HDAC7: variants seen among roughly 807,000 people sequenced by gnomAD.
HDAC7 encodes the protein histone deacetylase 7, also known as histone deacetylase 7A.
In HDAC7, 26 loss-of-function variants were observed where a neutral mutation model predicts 115.5. The ratio of observed to expected loss-of-function variants is 0.23; its 90% CI spans 0.16 to 0.31. HDAC7 has a LOEUF of 0.31. Ranked by LOEUF, HDAC7 falls within the 10% of genes least tolerant of loss-of-function variation. The probability of loss-of-function intolerance (pLI) is 1.00; values close to 1 mark genes in which losing one functional copy is unlikely to be tolerated. For missense variants in HDAC7, 1,068 were observed against 1,329.0 expected, an observed-to-expected ratio of 0.80 and a Z score of 3.05; for synonymous variants, 564 against 550.9, an observed-to-expected ratio of 1.02 and a Z score of -0.33.
chr12:47,790,085 C>T (rs185081426), intron 16 of HDAC7, 165 bp from the exon 17 acceptor site: 3 of 608,960 alleles, frequency 4.9e-6, no homozygotes, highest in Admixed American at 2.8e-5. Context: ...CCTCCTGTGT[C>T]CCCCAATCCC....
chr12:47,816,722 G>A (rs1374515407), intron 1 of HDAC7, among the ~76,000 whole-genome samples: 7 of 150,414 alleles, frequency 4.7e-5, no homozygotes, highest in Non-Finnish European at 8.9e-5. Context: ...CCTTGCCCCA[G>A]GCAGCATGCT....
chr12:47,791,517 C>T lies in HDAC7; in HGVS notation c.1933+69G>A, dbSNP rs1477526456. 1.2e-5 allele frequency: 19 copies of T among 1,538,240 alleles called. No individual in the cohort carries two copies. The East Asian group carries it at 2.4e-4, about 19-fold the overall frequency. Reference sequence around the variant, plus strand: ...AGGAGGCTGGCTGGGCGGGCAGAGCCGAGACAGGAGTGCATGGGAGCTGGG... The same window carrying T: ...AGGAGGCTGGCTGGGCGGGCAGAGCTGAGACAGGAGTGCATGGGAGCTGGG... On this transcript the variant is annotated intron_variant, in intron 15 of 25. Transcript: ENST00000080059.
chr12:47,801,924 T>G (rs1226112128), intron 2 of HDAC7, among the ~76,000 whole-genome samples: 1 of 151,952 alleles, frequency 6.6e-6, no homozygotes, highest in Non-Finnish European at 1.5e-5. Flanking sequence ...GGGGTAGGGG[T>G]CTCAGTATAA....
Position 47,782,855 on chromosome 12 carries a change from TCACA to T in HDAC7, c.*982_*985del, listed in dbSNP as rs1942938075. On this transcript the variant is annotated 3_prime_UTR_variant, in exon 26 of 26. Coordinates refer to ENST00000080059, the MANE Select transcript of HDAC7 (RefSeq NM_015401.5). ...ACACACGCCTCACTCACACACACGC[TCACA>T]CACACGCCTCACTCACACACATGCT... The T allele has an allele frequency of 6.8e-6, 1 of 146,946 alleles. No individual in the cohort carries two copies. Among genetic ancestry groups the T allele is most frequent in the African/African-American group, 2.4e-5 (1 of 40,872 alleles). The allele number at this position is 146,946 out of a possible 1,614,324, so 9.1% of individuals were successfully genotyped here.
chr12:47,816,366 A>G (rs1177011738), intron 1 of HDAC7, among the ~76,000 whole-genome samples: 1 of 152,130 alleles, frequency 6.6e-6, no homozygotes, highest in African/African-American at 2.4e-5. Flanking sequence ...ACATATGGAC[A>G]TGTTTACCCC....
chr12:47,782,907 C>G lies in HDAC7; in HGVS notation c.*934G>C, dbSNP rs549288803. ...GCTCACACACATTTTCCTTCTTGAC[C>G]CCAGGCCTGGACCCCCAAAAGCCTT... On this transcript the variant is annotated 3_prime_UTR_variant, in exon 26 of 26. Coordinates refer to ENST00000080059, the MANE Select transcript of HDAC7 (RefSeq NM_015401.5). 2 of 153,244 alleles carry G rather than the reference C, an allele frequency of 1.3e-5. No individual in the cohort carries two copies. Among genetic ancestry groups the G allele is most frequent in the African/African-American group, 4.8e-5 (2 of 41,544 alleles). The allele number at this position is 153,244 out of a possible 1,614,324, so 9.5% of individuals were successfully genotyped here.
chr12:47,816,340 C>T (rs1450963484), intron 1 of HDAC7, among the ~76,000 whole-genome samples: 13 of 152,006 alleles, frequency 8.6e-5, no homozygotes, highest in Non-Finnish European at 4.4e-5. Flanking sequence ...TATATACCCC[C>T]AAAAAACATG....
chr12:47,790,780 T>G, intron 16 of HDAC7: 4 of 182,618 alleles, frequency 2.2e-5, no homozygotes, highest in South Asian at 1.0e-4. Context: ...GCGAGCGGAG[T>G]TTGGGGCTAT....
In HDAC7 at chr12:47,797,670, G is replaced by A. The variant is rs543020503; in HGVS notation, c.462-171C>T. ...GGTGGCAGCAGTGGGCCGCCTGTCC[G>A]CTCCAGCAGCTATAGTGCAGAGCTC... is the stretch of plus-strand genomic sequence containing the variant. On this transcript the variant is annotated intron_variant, in intron 5 of 25. Coordinates refer to ENST00000080059, the MANE Select transcript of HDAC7 (RefSeq NM_015401.5). This position sits in a 1 kb window ranked among gnomAD's most constrained non-coding sequence, Gnocchi z 5.5. Among the ~76,000 whole-genome samples the A allele has an allele frequency of 2.0e-5, 3 of 152,162 alleles. No individual in the cohort carries two copies. The highest frequency in any genetic ancestry group is 4.4e-5 in the Non-Finnish European group (3 of 68,014).
intron 21 of HDAC7, 85 bp downstream of exon 21, chr12:47,787,627 C>A (rs557601095): frequency 1.0e-5 from 9 of 890,454 alleles, no homozygotes; most frequent in South Asian, 3.3e-5. Flanking sequence ...GGCTGACAAT[C>A]CAACTGATCA....
Position 47,794,841 on chromosome 12 carries a change from C to T in HDAC7, c.1377G>A (p.Val459=), listed in dbSNP as rs770321899. The change falls in exon 12 of 26, where the codon GTG becomes GTA. Residue 459 remains valine, a synonymous_variant. Transcript: ENST00000080059. ...ETDGGGPGQV[V]DDGLEHRELG... ...GCTCCCTGTGCTCCAGGCCATCGTC[C>T]ACCACCTGGCCCGGTCCCCCGCCAT... 1.6e-5 allele frequency: 26 copies of T among 1,613,116 alleles called. No homozygotes were observed. The South Asian group carries it at 1.8e-4, about 11-fold the overall frequency.
chr12:47,800,093 C>G (rs1944089777), intron 2 of HDAC7, among the ~76,000 whole-genome samples: 1 of 152,218 alleles, frequency 6.6e-6, no homozygotes, highest in South Asian at 2.1e-4. Flanking sequence ...CCTCCAGGCC[C>G]AAGCTGGCCA....
At chr12:47,817,324 G>A (rs777968227) in intron 1 of HDAC7, 5 of 152,208 alleles carry the variant, frequency 3.3e-5, no homozygotes, top group Non-Finnish European at 5.9e-5. Flanking sequence ...CATCGAGGAT[G>A]GCCCAGAGCT....
At chr12:47,785,280 A>C in intron 24 of HDAC7, 107 bp downstream of exon 24, 1 of 871,588 alleles carries the variant, frequency 1.1e-6, no homozygotes, top group Non-Finnish European at 1.8e-6. Context: ...GACCAACAGC[A>C]GGTCACCTGG....
intron 1 of HDAC7, among the ~76,000 whole-genome samples, chr12:47,808,041 C>A (rs562971691): frequency 3.3e-5 from 5 of 152,344 alleles, no homozygotes; most frequent in Middle Eastern, 6.8e-3. Context: ...GGGATGTCTG[C>A]CTACCCAGAC....
chr12:47,807,243 T>C (rs1944444982), intron 1 of HDAC7, among the ~76,000 whole-genome samples: 1 of 152,136 alleles, frequency 6.6e-6, no homozygotes, highest in African/African-American at 2.4e-5. Context: ...CCCAGCCCCC[T>C]GCCCTATCTC....
In HDAC7 at chr12:47,783,767, TGGGG is replaced by T; in HGVS notation, c.*70_*73del. 2.1e-6 allele frequency: 3 copies of T among 1,438,630 alleles called. No individual in the cohort carries two copies. Among genetic ancestry groups the T allele is most frequent in the Non-Finnish European group, 2.9e-6 (3 of 1,034,152 alleles). The allele number at this position is 1,438,630 out of a possible 1,614,324, so 89.1% of individuals were successfully genotyped here. A position where few individuals can be genotyped will look rare whatever the true frequency, so the allele number is the denominator to read the frequency against. On this transcript the variant is annotated 3_prime_UTR_variant, in exon 26 of 26. Coordinates refer to ENST00000080059, the MANE Select transcript of HDAC7 (RefSeq NM_015401.5). The stretch of plus-strand genomic sequence containing the variant: ...CACAGGATCTCTAAAGACCCAGGAA[TGGGG>T]GCTATTGCCAGGGGTTAGAAGAGAA...
chr12:47,791,166 C>CAGAG, intron 16 of HDAC7, 93 bp downstream of exon 16: 6 of 1,219,704 alleles, frequency 4.9e-6, no homozygotes, highest in Non-Finnish European at 7.1e-6. Flanking sequence ...CCACAACAAG[C>CAGAG]AGAGGTTCTG....
At chr12:47,789,764 C>T in intron 17 of HDAC7, 49 bp downstream of exon 17, 2 of 1,483,886 alleles carry the variant, frequency 1.3e-6, no homozygotes, top group Admixed American at 1.7e-5. Flanking sequence ...CACTACCCCA[C>T]TCTGCTTCCT....
Sources: gnomAD v4.1 joint callset for allele counts (sites outside exome capture counted in the v4.1 genomes callset) on GRCh38, gnomAD v4.1.1 for gene constraint, Gnocchi (gnomAD v3.1) non-coding constraint, MANE v1.5 for transcripts, NCBI Gene and HGNC (gene_info 2026-07-23, HGNC 2026-07-21) for gene names.